RPS6KA1: variants seen among roughly 807,000 people sequenced by gnomAD.
RPS6KA1 encodes ribosomal protein S6 kinase A1, also known as ribosomal protein S6 kinase alpha-1.
In RPS6KA1, 48 loss-of-function variants were observed where a neutral mutation model predicts 91.3. The ratio of observed to expected loss-of-function variants is 0.53; its 90% CI spans 0.42 to 0.67. The LOEUF is 0.67. Among genes scored for constraint, RPS6KA1 ranks in the 30% least tolerant of loss-of-function variants. The probability of loss-of-function intolerance (pLI) is 0.00; values close to 1 mark genes in which losing one functional copy is unlikely to be tolerated. For synonymous variants in RPS6KA1, 359 were observed against 384.7 expected (o/e 0.93, Z 0.78); for missense variants, 719 against 960.5 (o/e 0.75, Z 3.32).
At chr1:26,535,675 G>C (rs1337615867) in intron 1 of RPS6KA1, among the ~76,000 whole-genome samples, 1 of 152,120 alleles carries the variant, frequency 6.6e-6, no homozygotes, top group East Asian at 1.9e-4. Context: ...GGGGCTCTGG[G>C]CTCTGGGCTG....
Position 26,554,837 on chromosome 1 carries a change from C to T in RPS6KA1, c.756+99C>T, listed in dbSNP as rs1354643793. ...GGTTGATCATTTCTAGGGCTCTCCCCGTCTCCTCTCACAGCCAAGCTGGCC... is the reference window on the plus strand; with the variant it reads ...GGTTGATCATTTCTAGGGCTCTCCCTGTCTCCTCTCACAGCCAAGCTGGCC... On this transcript the variant is annotated intron_variant, in intron 9 of 21. Coordinates refer to ENST00000374168, the MANE Select transcript of RPS6KA1 (RefSeq NM_002953.4). This position sits in a 1 kb window ranked among gnomAD's most constrained non-coding sequence, Gnocchi z 4.6. The T allele has an allele frequency of 6.9e-6, 10 of 1,441,590 alleles. No homozygotes were observed. In the African/African-American group the frequency reaches 7.1e-5, roughly 10 times the overall value. The allele number at this position is 1,441,590 out of a possible 1,614,324, so 89.3% of individuals were successfully genotyped here. A position where few individuals can be genotyped will look rare whatever the true frequency, so the allele number is the denominator to read the frequency against.
In RPS6KA1 at chr1:26,574,613, TAGCCATCTGC is replaced by T; in HGVS notation, c.*414_*423del. 2.6e-6 allele frequency: 1 copy of T among 385,734 alleles called. No homozygotes were observed. The highest frequency in any genetic ancestry group is 5.1e-6 in the Non-Finnish European group (1 of 195,954). The allele number at this position is 385,734 out of a possible 1,614,324, so 23.9% of individuals were successfully genotyped here. A position where few individuals can be genotyped will look rare whatever the true frequency, so the allele number is the denominator to read the frequency against. ...GGGGACCCCCACGATTGGCCACCTG[TAGCCATCTGC>T]ACACACCTCCGAGACAGTCCAGTGT... On this transcript the variant is annotated 3_prime_UTR_variant, in exon 22 of 22. Transcript: ENST00000374168. The surrounding 1 kb of genome is among the most constrained non-coding windows in gnomAD (Gnocchi z 4.3).
chr1:26,567,485 A>G (rs1436386924), intron 17 of RPS6KA1, among the ~76,000 whole-genome samples: 2 of 152,050 alleles, frequency 1.3e-5, no homozygotes, highest in Non-Finnish European at 2.9e-5. Context: ...GGTTTAGGAG[A>G]TTCTCCTGCC....
chr1:26,573,452 C>A, intron 21 of RPS6KA1, 91 bp downstream of exon 21: 1 of 1,430,080 alleles, frequency 7.0e-7, no homozygotes, highest in South Asian at 1.2e-5. Flanking sequence ...AATGCCATGT[C>A]TGTACCAAGC....
rs2124667092 is a variant in RPS6KA1 at position 26,567,441 on chromosome 1, C to T, written c.1591-4008C>T. Among the ~76,000 whole-genome samples the T allele has an allele frequency of 1.3e-5, 2 of 152,212 alleles. 1 individual carries two copies. Among genetic ancestry groups the T allele is most frequent in the South Asian group, 4.1e-4 (2 of 4,820 alleles). The stretch of plus-strand genomic sequence containing the variant: ...TGTCACCCAGGCTGGAGTACAATGG[C>T]GCAGTCTCGGCTCACTGCAACCTCC... On this transcript the variant is annotated intron_variant, in intron 17 of 21. Transcript: ENST00000374168.
rs752875858 is a variant in RPS6KA1 at position 26,573,194 on chromosome 1, C to T, written c.1948-30C>T. On this transcript the variant is annotated intron_variant, in intron 20 of 21. Transcript: ENST00000374168. Reference sequence around the variant, plus strand: ...AGGGGCCTGCTCCCCTGCAGCCCTCCCCCAACCCCCTTGCCCACTGTGTCC... The same window carrying T: ...AGGGGCCTGCTCCCCTGCAGCCCTCTCCCAACCCCCTTGCCCACTGTGTCC... 15 of 1,610,922 alleles carry T rather than the reference C, an allele frequency of 9.3e-6. No homozygotes were observed. The East Asian group carries it at 3.3e-4, about 36-fold the overall frequency.
chr1:26,546,042 G>A (rs2075992328), intron 2 of RPS6KA1: 1 of 1,610,958 alleles, frequency 6.2e-7, no homozygotes. Flanking sequence ...CTCGGTGAGT[G>A]TGCCCGAATG....
At chr1:26,562,054 A>T (rs1048046933) in intron 17 of RPS6KA1, among the ~76,000 whole-genome samples, 2 of 152,154 alleles carry the variant, frequency 1.3e-5, no homozygotes, top group African/African-American at 4.8e-5. Flanking sequence ...ATACAAAAAA[A>T]TTAGCCGGGT....
intron 2 of RPS6KA1, among the ~76,000 whole-genome samples, chr1:26,542,146 G>C (rs56263909): frequency 0.24 from 36,087 of 152,078 alleles, 4,896 homozygotes; most frequent in Middle Eastern, 0.32. Flanking sequence ...ATCTCAGCCC[G>C]TATCTGGAGA....
chr1:26,573,149 T>C, intron 20 of RPS6KA1, 75 bp from the exon 21 acceptor site: 1 of 1,482,388 alleles, frequency 6.7e-7, no homozygotes, highest in Non-Finnish European at 9.3e-7. Context: ...CAGGAGATGG[T>C]TGCCCTCCTG....
At chr1:26,549,150 G>A (rs2076023061) in intron 4 of RPS6KA1, among the ~76,000 whole-genome samples, 1 of 150,624 alleles carries the variant, frequency 6.6e-6, no homozygotes, top group Non-Finnish European at 1.5e-5. Context: ...TTGGGACTAT[G>A]AGGCTGGAGA....
chr1:26,542,409 G>A (rs757729791), intron 2 of RPS6KA1, among the ~76,000 whole-genome samples: 1 of 152,234 alleles, frequency 6.6e-6, no homozygotes, highest in Non-Finnish European at 1.5e-5. Flanking sequence ...ATGTGTTTCT[G>A]CATAGGGGTT....
intron 1 of RPS6KA1, 120 bp downstream of exon 1, chr1:26,530,103 C>CG: frequency 3.7e-6 from 2 of 535,280 alleles, no homozygotes; most frequent in Non-Finnish European, 5.5e-6. Flanking sequence ...CGAGTGCCCT[C>CG]CGATCTCTTG....
chr1:26,549,864 GC>G (rs1354031459), intron 4 of RPS6KA1, among the ~76,000 whole-genome samples: 2 of 150,804 alleles, frequency 1.3e-5, no homozygotes, highest in Non-Finnish European at 3.0e-5. Context: ...ACCACGCCTG[GC>G]TAATTTTTGT....
chr1:26,560,733 A>G lies in RPS6KA1; in HGVS notation c.1223A>G (p.His408Arg), dbSNP rs776263684. The change falls in exon 15 of 22, where the codon CAT becomes CGT. Residue 408 changes from histidine to arginine, a missense_variant. Physicochemically the swap from His to Arg is conservative, Grantham distance 29 (BLOSUM62 0). This residue lies in a region of RPS6KA1 where 228 missense variants were observed against 247.6 expected (regional missense o/e 0.92). Transcript: ENST00000374168. Reference protein sequence around the residue: ...APLHSVVQQLHGKNLVFSDGY... With the variant: ...APLHSVVQQLRGKNLVFSDGY... Reference sequence around the variant, plus strand: ...ATTTTTGGTCTCCTACAGCAACTCCATGGGAAGAACCTGGTTTTTAGTGAC... The same window carrying G: ...ATTTTTGGTCTCCTACAGCAACTCCGTGGGAAGAACCTGGTTTTTAGTGAC... 2 of 1,614,150 alleles carry G rather than the reference A, an allele frequency of 1.2e-6. No homozygotes were observed. The highest frequency in any genetic ancestry group is 2.2e-5 in the South Asian group (2 of 91,080).
Position 26,574,398 on chromosome 1 carries a change from G to C in RPS6KA1, c.*197G>C, listed in dbSNP as rs1227169309. The C allele has an allele frequency of 3.8e-6, 3 of 791,800 alleles. No individual in the cohort carries two copies. The highest frequency in any genetic ancestry group is 1.4e-5 in the South Asian group (1 of 73,518). 49.0% of individuals were successfully genotyped at this position (791,800 alleles called of 1,614,324 possible). A position where few individuals can be genotyped will look rare whatever the true frequency, so the allele number is the denominator to read the frequency against. ...CCAGGATGGACTCTTCTCGGCTCAG[G>C]CTCTGCTGGTGGAAAGCGATTCACT... is the stretch of plus-strand genomic sequence containing the variant. On this transcript the variant is annotated 3_prime_UTR_variant, in exon 22 of 22. Transcript: ENST00000374168. This position sits in a 1 kb window ranked among gnomAD's most constrained non-coding sequence, Gnocchi z 4.3.
In RPS6KA1 at chr1:26,547,297, A is replaced by T. The variant is rs751948183; in HGVS notation, c.307+27A>T. On this transcript the variant is annotated intron_variant, in intron 4 of 21. Transcript: ENST00000374168. This position sits in a 1 kb window ranked among gnomAD's most constrained non-coding sequence, Gnocchi z 4.1. ...TGAGTGGGGACACCTCCCTGTGCAG[A>T]ACCCAGGCTTGGCTGAGGGAGGCAG... is the stretch of plus-strand genomic sequence containing the variant. 5 of 1,604,604 alleles carry T rather than the reference A, an allele frequency of 3.1e-6. 1 individual carries two copies. The South Asian group carries it at 5.5e-5, about 18-fold the overall frequency.
chr1:26,548,785 G>A (rs1202322737), intron 4 of RPS6KA1, among the ~76,000 whole-genome samples: 1 of 151,062 alleles, frequency 6.6e-6, no homozygotes, highest in African/African-American at 2.4e-5. Context: ...GGCGATGAGA[G>A]CGAAACTCCA....
chr1:26,571,284 C>G lies in RPS6KA1; in HGVS notation c.1591-165C>G, dbSNP rs974732563. The G allele has an allele frequency of 3.1e-6, 2 of 639,518 alleles. No homozygotes were observed. The highest frequency in any genetic ancestry group is 3.7e-5 in the African/African-American group (2 of 54,500). The allele number at this position is 639,518 out of a possible 1,614,324, so 39.6% of individuals were successfully genotyped here. A position where few individuals can be genotyped will look rare whatever the true frequency, so the allele number is the denominator to read the frequency against. On this transcript the variant is annotated intron_variant, in intron 17 of 21. Transcript: ENST00000374168. The surrounding 1 kb of genome is among the most constrained non-coding windows in gnomAD (Gnocchi z 5.1). Reference sequence around the variant, plus strand: ...GACACCTACACAGAGTCAGTAGCAGCAGCAATAAGACCATCATTTCAGCCC... The same window carrying G: ...GACACCTACACAGAGTCAGTAGCAGGAGCAATAAGACCATCATTTCAGCCC...
Sources: allele counts gnomAD v4.1 joint callset (sites outside exome capture counted in the v4.1 genomes callset), GRCh38; gene constraint gnomAD v4.1.1; regional missense constraint gnomAD v4.1.1; non-coding constraint Gnocchi (gnomAD v3.1); transcripts MANE v1.5; gene names NCBI Gene and HGNC (gene_info 2026-07-23, HGNC 2026-07-21).